NT5DC4: variants seen among roughly 807,000 people sequenced by gnomAD.
The protein encoded by NT5DC4 is 5'-nucleotidase domain containing 4.
A neutral mutation model predicts 26.6 loss-of-function variants in NT5DC4; 44 were observed. The observed-to-expected ratio is 1.65, with a 90% CI of 1.30 to 2.13. The LOEUF is 2.13. Ranked by LOEUF, NT5DC4 falls within the 30% of genes most tolerant of loss-of-function variation. The pLI is 0.00. For synonymous variants in NT5DC4, 157 were observed against 86.7 expected (o/e 1.81, Z -4.51); for missense variants, 399 against 228.1 (o/e 1.75, Z -4.83).
downstream of NT5DC4, among the ~76,000 whole-genome samples, chr2:112,739,731 T>C (rs1357473950): frequency 1.3e-5 from 2 of 152,200 alleles, no homozygotes; most frequent in Non-Finnish European, 2.9e-5. Flanking sequence ...CACAGCTCAC[T>C]ACAGCCTCAA....
chr2:112,719,902 CTTTTT>C (rs1558714378), upstream of NT5DC4, among the ~76,000 whole-genome samples: 73 of 86,926 alleles, frequency 8.4e-4, no homozygotes, highest in African/African-American at 3.0e-3. Flanking sequence ...TTCTTTCTTT[CTTTTT>C]CTTTCTTTCT....
At chr2:112,721,425 T>C in intron 1 of NT5DC4, 1 of 715,680 alleles carries the variant, frequency 1.4e-6, no homozygotes, top group Admixed American at 2.0e-5. Flanking sequence ...TGCTATCCAA[T>C]TGTGACAAAC....
rs865966133 is a variant in NT5DC4 at position 112,723,070 on chromosome 2, G to T, written c.528-11G>T. 3 of 711,480 alleles carry T rather than the reference G, an allele frequency of 4.2e-6. No homozygotes were observed. The highest frequency in any genetic ancestry group is 1.5e-5 in the South Asian group (1 of 66,802). 44.1% of individuals were successfully genotyped at this position (711,480 alleles called of 1,614,324 possible). A position where few individuals can be genotyped will look rare whatever the true frequency, so the allele number is the denominator to read the frequency against. On this transcript the variant is annotated splice_polypyrimidine_tract_variant and intron_variant, in intron 6 of 16. Transcript: ENST00000688554. Reference sequence around the variant, plus strand: ...TTATTGGCCTCCCCGTCCCCTCTTTGCCTGCCCCAGTTGTGACACCGGCTA... The same window carrying T: ...TTATTGGCCTCCCCGTCCCCTCTTTTCCTGCCCCAGTTGTGACACCGGCTA...
intron 16 of NT5DC4, among the ~76,000 whole-genome samples, chr2:112,730,310 C>CAAAAAAAAAAAA (rs11375761): frequency 1.3e-5 from 1 of 76,192 alleles, no homozygotes; most frequent in Non-Finnish European, 2.4e-5. Flanking sequence ...AAGACTGTCT[C>CAAAAAAAAAAAA]AAAAAAAAAA....
chr2:112,723,013 G>A, intron 6 of NT5DC4, 68 bp from the exon 7 acceptor site: 1 of 494,920 alleles, frequency 2.0e-6, no homozygotes, highest in Non-Finnish European at 3.8e-6. Flanking sequence ...CTCTGGTGTG[G>A]GACTCAGGGT....
chr2:112,721,374 C>T, intron 1 of NT5DC4: 1 of 673,554 alleles, frequency 1.5e-6, no homozygotes, highest in East Asian at 2.7e-5. Context: ...TTCCTTCCCT[C>T]CACGAAGATC....
chr2:112,735,038 A>ATTTT lies in NT5DC4; in HGVS notation c.1345-3855_1345-3852dup, dbSNP rs70965024. Among the ~76,000 whole-genome samples the ATTTT allele has an allele frequency of 9.3e-3, 877 of 94,404 alleles. 28 individuals carry two copies. Among genetic ancestry groups the ATTTT allele is most frequent in the Non-Finnish European group, 0.013 (673 of 50,476 alleles). 61.9% of individuals were successfully genotyped at this position (94,404 alleles called of 152,430 possible). On this transcript the variant is annotated intron_variant, in intron 16 of 16. Coordinates refer to ENST00000688554, the MANE Select transcript of NT5DC4 (RefSeq NM_001393655.1). ...GAGTACATGCCAGGGAGGCAAGAAC[A>ATTTT]TTTTTTTTTTTTTTTTTTTTTTTGA...
chr2:112,738,970 C>G lies in NT5DC4; in HGVS notation c.*34C>G. The G allele has an allele frequency of 6.2e-7, 1 of 1,614,164 alleles. No homozygotes were observed. The highest frequency in any genetic ancestry group is 1.3e-5 in the African/African-American group (1 of 75,030). ...CCTGCAGCATTTCTGGGTAGCGGGA[C>G]ACTGCTCGCTCAATCCTCGACGAAC... On this transcript the variant is annotated 3_prime_UTR_variant, in exon 17 of 17. Coordinates refer to ENST00000688554, the MANE Select transcript of NT5DC4 (RefSeq NM_001393655.1).
intron 16 of NT5DC4, among the ~76,000 whole-genome samples, chr2:112,734,974 G>A (rs1333621545): frequency 6.6e-6 from 1 of 151,462 alleles, no homozygotes; most frequent in Non-Finnish European, 1.5e-5. Context: ...ATAGGCGTGA[G>A]CCACCGCACC....
chr2:112,732,569 C>T (rs1449684023), intron 16 of NT5DC4, among the ~76,000 whole-genome samples: 1 of 152,202 alleles, frequency 6.6e-6, no homozygotes, highest in Non-Finnish European at 1.5e-5. Context: ...AGAAAAACTG[C>T]TCAGACCCTA....
chr2:112,732,253 A>G (rs963464834), intron 16 of NT5DC4, among the ~76,000 whole-genome samples: 4 of 151,768 alleles, frequency 2.6e-5, no homozygotes, highest in African/African-American at 9.7e-5. Context: ...AGAAGCTTCC[A>G]GGTTTGACAC....
chr2:112,725,070 C>G (rs1053180747), intron 11 of NT5DC4, 104 bp from the exon 12 acceptor site: 1 of 653,776 alleles, frequency 1.5e-6, no homozygotes, highest in South Asian at 1.7e-5. Context: ...TCCTCCCACA[C>G]CCCCCATGGT....
In NT5DC4 at chr2:112,729,649, A is replaced by G. The variant is rs1450456167; in HGVS notation, c.1289A>G (p.Glu430Gly). 6 of 717,810 alleles carry G rather than the reference A, an allele frequency of 8.4e-6. No individual in the cohort carries two copies. The Admixed American group carries it at 1.0e-4, about 12-fold the overall frequency. 44.5% of individuals were successfully genotyped at this position (717,810 alleles called of 1,614,324 possible). ...EIQMPHESVVEQEQANLDPAS... is the reference protein window; with the variant it reads ...EIQMPHESVVGQEQANLDPAS... ...CAGATGCCACATGAGTCAGTTGTGG[A>G]GCAAGAACAGGCCAATCTAGACCCT... The change falls in exon 16 of 17, where the codon GAG (glutamate) becomes GGG (glycine). Residue 430 changes from glutamate to glycine, a missense_variant. Glu to Gly is a moderately conservative substitution (Grantham distance 98). Transcript: ENST00000688554.
chr2:112,727,862 C>T (rs551754464), intron 15 of NT5DC4, among the ~76,000 whole-genome samples: 6 of 152,292 alleles, frequency 3.9e-5, no homozygotes, highest in Admixed American at 6.5e-5. Flanking sequence ...CTGCGGTTTC[C>T]GCCAGACACT....
chr2:112,735,212 G>A (rs542292868), intron 16 of NT5DC4, among the ~76,000 whole-genome samples: 3 of 150,320 alleles, frequency 2.0e-5, no homozygotes, highest in South Asian at 2.1e-4. Context: ...CCTGGATAAC[G>A]CCTGTATTTT....
rs375712449 is a variant in NT5DC4 at position 112,722,216 on chromosome 2, G to C, written c.300G>C (p.Leu100=). 163 of 717,048 alleles carry C rather than the reference G, an allele frequency of 2.3e-4. No homozygotes were observed. In the African/African-American group the frequency reaches 2.5e-3, roughly 11 times the overall value. 44.4% of individuals were successfully genotyped at this position (717,048 alleles called of 1,614,324 possible). ...RLVFDELYGN[L]LKVDAHGNVL... ...TGTTCGATGAACTCTATGGGAACCT[G>C]CTGAAGGTGGACGCCCACGGGAATG... The change falls in exon 4 of 17, where the codon CTG becomes CTC. Residue 100 remains leucine, a synonymous_variant. Coordinates refer to ENST00000688554, the MANE Select transcript of NT5DC4 (RefSeq NM_001393655.1).
At chr2:112,738,615 A>G (rs746135131) in intron 16 of NT5DC4, 2 of 575,396 alleles carry the variant, frequency 3.5e-6, no homozygotes, top group African/African-American at 3.7e-5. Context: ...GTATACTGTA[A>G]AACTGGCAAA....
intron 16 of NT5DC4, among the ~76,000 whole-genome samples, chr2:112,733,061 C>T (rs1678669396): frequency 6.6e-6 from 1 of 152,082 alleles, no homozygotes; most frequent in Non-Finnish European, 1.5e-5. Flanking sequence ...TCTTGTAGAA[C>T]TGCAGGGAAA....
chr2:112,742,768 G>C (rs1181241478), downstream of NT5DC4: 3 of 1,603,360 alleles, frequency 1.9e-6, no homozygotes, highest in African/African-American at 4.0e-5. Flanking sequence ...CTCTTGTATT[G>C]GCTGGAAGGA....
Sources: allele counts gnomAD v4.1 joint callset (sites outside exome capture counted in the v4.1 genomes callset), GRCh38; gene constraint gnomAD v4.1.1; transcripts MANE v1.5; gene names NCBI Gene and HGNC (gene_info 2026-07-23, HGNC 2026-07-21).